Variants in SNX24 observed in about 807,000 individuals in gnomAD.
SNX24 encodes sorting nexin 24, also known as sorting nexin-24.
In SNX24, 22 loss-of-function variants were observed where a neutral mutation model predicts 28.7. The observed-to-expected ratio is 0.77, with a 90% CI of 0.55 to 1.10. The LOEUF (loss-of-function observed/expected upper bound fraction) is 1.10. Ranked by LOEUF, SNX24 falls within the 50% of genes least tolerant of loss-of-function variation. SNX24 has a pLI of 0.00. For synonymous variants in SNX24, 69 were observed against 71.5 expected, an observed-to-expected ratio of 0.96 and a Z score of 0.18; for missense variants, 221 against 201.1, an observed-to-expected ratio of 1.10 and a Z score of -0.60.
Position 123,023,807 on chromosome 5 carries a change from AACAC to A in SNX24, n.384-5404_384-5401del, listed in dbSNP as rs70988555. ...AAAGCAAATAATTGAAAGACAACAC[AACAC>A]ACACACACACACACACACACACACA... On this transcript the variant is annotated intron_variant and non_coding_transcript_variant, in intron 5 of 5. Transcript: ENST00000502387. 12,307 of 1,291,420 alleles carry A rather than the reference AACAC, an allele frequency of 9.5e-3. 64 individuals are homozygous for A. The highest frequency in any genetic ancestry group is 0.074 in the Admixed American group (2,816 of 38,296). 80.0% of individuals were successfully genotyped at this position (1,291,420 alleles called of 1,614,324 possible). A position where few individuals can be genotyped will look rare whatever the true frequency, so the allele number is the denominator to read the frequency against.
intron 5 of SNX24, among the ~76,000 whole-genome samples, chr5:123,019,142 C>A (rs1762727903): frequency 1.3e-5 from 2 of 152,098 alleles, no homozygotes; most frequent in South Asian, 4.2e-4. Flanking sequence ...ACCTTGGAGG[C>A]ACTTATGTTA....
chr5:122,898,590 G>A (rs1383318636), intron 1 of SNX24, among the ~76,000 whole-genome samples: 2 of 152,158 alleles, frequency 1.3e-5, no homozygotes, highest in Non-Finnish European at 2.9e-5. Flanking sequence ...GTCTGGGAAA[G>A]GAGAAGTGTT....
At chr5:122,882,704 T>A (rs1474517499) in intron 1 of SNX24, among the ~76,000 whole-genome samples, 2 of 152,224 alleles carry the variant, frequency 1.3e-5, no homozygotes, top group African/African-American at 4.8e-5. Flanking sequence ...TAAAATAATT[T>A]TTTCCCTTGA....
chr5:122,908,458 A>C (rs2150086451), intron 1 of SNX24, among the ~76,000 whole-genome samples: 1 of 152,364 alleles, frequency 6.6e-6, no homozygotes, highest in Non-Finnish European at 1.5e-5. Context: ...AACACGAAGA[A>C]AAATTATCCT....
intron 1 of SNX24, among the ~76,000 whole-genome samples, chr5:122,889,417 T>A (rs1308050955): frequency 6.6e-6 from 1 of 151,910 alleles, no homozygotes; most frequent in Non-Finnish European, 1.5e-5. Context: ...AATTCAAAAC[T>A]TTTTTGTGTA....
intron 2 of SNX24, among the ~76,000 whole-genome samples, chr5:122,938,438 T>G (rs1425932767): frequency 1.3e-5 from 2 of 152,208 alleles, no homozygotes; most frequent in African/African-American, 4.8e-5. Flanking sequence ...AATTCACAAA[T>G]CTCTCAATTT....
intron 3 of SNX24, among the ~76,000 whole-genome samples, chr5:122,993,581 T>A (rs1307305302): frequency 2.0e-5 from 3 of 152,190 alleles, no homozygotes; most frequent in Admixed American, 6.5e-5. Context: ...ATTATAGGCG[T>A]GAGCCACCAT....
intron 1 of SNX24, among the ~76,000 whole-genome samples, chr5:122,888,204 T>C (rs1756800007): frequency 6.6e-6 from 1 of 152,190 alleles, no homozygotes; most frequent in African/African-American, 2.4e-5. Context: ...TCTTCTATGG[T>C]TTATAATTTT....
At chr5:122,883,971 A>C (rs154499) in intron 1 of SNX24, among the ~76,000 whole-genome samples, 122,533 of 152,178 alleles carry the variant, frequency 0.81, 50,106 homozygotes, top group East Asian at 0.99. Flanking sequence ...TTGACTGTTA[A>C]ATTAGAACTT....
intron 2 of SNX24, among the ~76,000 whole-genome samples, chr5:122,937,186 GTAACT>G (rs1759215759): frequency 6.6e-6 from 1 of 152,176 alleles, no homozygotes; most frequent in Non-Finnish European, 1.5e-5. Flanking sequence ...CTTACAGGAA[GTAACT>G]TATTAAAGTC....
chr5:122,863,528 CTT>C (rs112338350), intron 1 of SNX24, among the ~76,000 whole-genome samples: 8 of 143,508 alleles, frequency 5.6e-5, no homozygotes, highest in African/African-American at 1.3e-4. Flanking sequence ...TTTCTTTTTT[CTT>C]TTTTTTTTTT....
chr5:123,007,955 CT>C lies in SNX24; in HGVS notation c.*207del. 7.6e-7 allele frequency: 1 copy of C among 1,317,474 alleles called. No individual in the cohort carries two copies. 81.6% of individuals were successfully genotyped at this position (1,317,474 alleles called of 1,614,324 possible). The stretch of plus-strand genomic sequence containing the variant: ...AAACTGAACCGGGGCGGTGGTCAGG[CT>C]AAGGCCAAGTGTTTAAGAAGTAGAG... On this transcript the variant is annotated 3_prime_UTR_variant, in exon 7 of 7. Coordinates refer to ENST00000261369, the MANE Select transcript of SNX24 (RefSeq NM_014035.4).
chr5:122,908,998 T>G (rs759735259), intron 1 of SNX24, among the ~76,000 whole-genome samples: 2 of 152,196 alleles, frequency 1.3e-5, no homozygotes, highest in Non-Finnish European at 2.9e-5. Context: ...ATTGCGAGAC[T>G]GACCTCACTG....
chr5:122,860,908 A>T (rs1057464840), intron 1 of SNX24, among the ~76,000 whole-genome samples: 1 of 152,074 alleles, frequency 6.6e-6, no homozygotes, highest in African/African-American at 2.4e-5. Flanking sequence ...GAAAATTTTT[A>T]AAAGCTGAAT....
chr5:123,014,160 A>C (rs968443292), downstream of SNX24, among the ~76,000 whole-genome samples: 4 of 152,014 alleles, frequency 2.6e-5, no homozygotes, highest in African/African-American at 9.7e-5. Context: ...GCCTCACAAT[A>C]GAATTGTATT....
intron 1 of SNX24, among the ~76,000 whole-genome samples, chr5:122,893,972 C>A (rs957384719): frequency 1.3e-5 from 2 of 151,436 alleles, no homozygotes; most frequent in Non-Finnish European, 2.9e-5. Flanking sequence ...CGCTTGAACC[C>A]GGTTGCTGTG....
chr5:122,975,488 T>C (rs944740946), intron 3 of SNX24, among the ~76,000 whole-genome samples: 2 of 152,222 alleles, frequency 1.3e-5, no homozygotes, highest in Non-Finnish European at 2.9e-5. Context: ...GGGATATTTC[T>C]GTATTACTTG....
At chr5:122,991,689 GC>G (rs1008306915) in intron 3 of SNX24, among the ~76,000 whole-genome samples, 1 of 152,160 alleles carries the variant, frequency 6.6e-6, no homozygotes, top group African/African-American at 2.4e-5. Flanking sequence ...CAGAACTCCT[GC>G]CCTCAAGTGA....
chr5:123,027,427 C>T (rs941496529), intron 5 of SNX24, among the ~76,000 whole-genome samples: 7 of 152,290 alleles, frequency 4.6e-5, no homozygotes, highest in Admixed American at 2.0e-4. Context: ...CAGAGTGAAG[C>T]TCAGTCACCA....
Sources: gnomAD v4.1 joint callset for allele counts (sites outside exome capture counted in the v4.1 genomes callset) on GRCh38, gnomAD v4.1.1 for gene constraint, MANE v1.5 for transcripts, NCBI Gene and HGNC (gene_info 2026-07-23, HGNC 2026-07-21) for gene names.